Variants in BPTF observed in about 807,000 individuals in gnomAD.
BPTF encodes bromodomain PHD finger transcription factor.
A neutral mutation model predicts 292.5 loss-of-function variants in BPTF; 18 were observed. That is an observed-to-expected ratio of 0.06 (90% CI 0.04 to 0.09). The LOEUF (loss-of-function observed/expected upper bound fraction) is 0.09. Ranked by LOEUF, BPTF falls within the 10% of genes least tolerant of loss-of-function variation. The pLI is 1.00. For missense variants in BPTF, 2,726 were observed against 3,498.7 expected, an observed-to-expected ratio of 0.78 and a Z score of 5.57; for synonymous variants, 1,225 against 1,251.9, an observed-to-expected ratio of 0.98 and a Z score of 0.45.
At chr17:67,860,460 G>A (rs751327336) in intron 2 of BPTF, among the ~76,000 whole-genome samples, 1 of 152,104 alleles carries the variant, frequency 6.6e-6, no homozygotes, top group South Asian at 2.1e-4. Context: ...TATGTTATTT[G>A]TATAGATTAG....
chr17:67,843,825 G>T (rs1272352106), intron 1 of BPTF, among the ~76,000 whole-genome samples: 1 of 141,592 alleles, frequency 7.1e-6, no homozygotes, highest in Admixed American at 7.2e-5. Flanking sequence ...GAATGCAATG[G>T]CGCAATCGTG....
chr17:67,929,191 T>C, intron 16 of BPTF, 145 bp from the exon 17 acceptor site: 1 of 1,416,564 alleles, frequency 7.1e-7, no homozygotes, highest in Non-Finnish European at 9.3e-7. Flanking sequence ...CATCTCCTTT[T>C]CACTGATTTC....
intron 19 of BPTF, among the ~76,000 whole-genome samples, chr17:67,943,397 A>G (rs782044920): frequency 1.3e-5 from 2 of 152,234 alleles, no homozygotes; most frequent in Non-Finnish European, 2.9e-5. Context: ...CCAGTTCTCC[A>G]GCATGTTCCT....
intron 4 of BPTF, among the ~76,000 whole-genome samples, chr17:67,883,992 C>T (rs929473569): frequency 3.9e-5 from 6 of 152,150 alleles, no homozygotes; most frequent in Non-Finnish European, 8.8e-5. Context: ...AAGTATTGTT[C>T]TACACCTTGC....
chr17:67,931,792 C>T, intron 17 of BPTF, 119 bp from the exon 18 acceptor site: 1 of 647,256 alleles, frequency 1.5e-6, no homozygotes, highest in Non-Finnish European at 2.5e-6. Context: ...TCAAGAGCCC[C>T]TGTCATTCCT....
chr17:67,844,190 G>A (rs530064914), intron 1 of BPTF, among the ~76,000 whole-genome samples: 13 of 147,060 alleles, frequency 8.8e-5, no homozygotes, highest in African/African-American at 2.8e-4. Context: ...AGTGAGTCTC[G>A]TGCCACAGCC....
intron 7 of BPTF, among the ~76,000 whole-genome samples, chr17:67,894,613 C>T (rs968942808): frequency 1.3e-5 from 2 of 152,168 alleles, no homozygotes; most frequent in Non-Finnish European, 2.9e-5. Flanking sequence ...CAGGTGTGAG[C>T]CACCGCACCC....
intron 16 of BPTF, 138 bp downstream of exon 16, chr17:67,928,739 T>G: frequency 6.0e-5 from 70 of 1,173,524 alleles, no homozygotes; most frequent in East Asian, 2.6e-4. Flanking sequence ...CTGTAACGGT[T>G]GGTTTGTTAC....
At position 67,928,210 on chromosome 17, in the gene BPTF, A is replaced by T. The variant is rs1050790894; in HGVS notation, c.5752-145A>T. The T allele has an allele frequency of 7.8e-6, 7 of 900,902 alleles. No individual in the cohort carries two copies. In the African/African-American group the frequency reaches 1.2e-4, roughly 15 times the overall value. The allele number at this position is 900,902 out of a possible 1,614,324, so 55.8% of individuals were successfully genotyped here. On this transcript the variant is annotated intron_variant, in intron 15 of 27. Transcript: ENST00000306378. ...TAAATACGGGTAAATTTATATGGAC[A>T]TATATTCTTTTTGGAAGTAAAATAC...
chr17:67,891,930 A>G lies in BPTF; in HGVS notation c.1951A>G (p.Ile651Val). Residue 651 changes from isoleucine (I) to valine (V), a missense_variant, in exon 5 of 28, where the codon ATC (isoleucine) becomes GTC (valine). By Grantham distance (29) the Ile-to-Val change is conservative (BLOSUM62 3). This residue lies in a region of BPTF where 5 missense variants were observed against 22.0 expected (regional missense o/e 0.23). Transcript: ENST00000306378. ...AGGAGCATCTGGCTCAACTCGAATC[A>G]TCACCAGATTGCGGAATCCAGATAG... ...GKGASGSTRIITRLRNPDSKL... is the reference protein window; with the variant it reads ...GKGASGSTRIVTRLRNPDSKL... The G allele has an allele frequency of 6.2e-7, 1 of 1,613,214 alleles. No individual in the cohort carries two copies. Among genetic ancestry groups the G allele is most frequent in the Non-Finnish European group, 8.5e-7 (1 of 1,179,698 alleles).
chr17:67,967,516 G>A (rs2068254446), intron 26 of BPTF, among the ~76,000 whole-genome samples: 1 of 151,640 alleles, frequency 6.6e-6, no homozygotes, highest in African/African-American at 2.4e-5. Flanking sequence ...CATTGTGGCA[G>A]TGTTTATAAT....
intron 4 of BPTF, 163 bp from the exon 5 acceptor site, chr17:67,891,681 A>T (rs2061122645): frequency 2.3e-6 from 1 of 434,174 alleles, no homozygotes; most frequent in Non-Finnish European, 4.0e-6. Flanking sequence ...TTAAGTAAAA[A>T]ACTTAAGGAA....
chr17:67,880,751 C>T (rs2060344556), intron 4 of BPTF, among the ~76,000 whole-genome samples: 1 of 151,980 alleles, frequency 6.6e-6, no homozygotes, highest in Non-Finnish European at 1.5e-5. Context: ...ATTATCCCAC[C>T]TCAGCTTCCT....
intron 2 of BPTF, among the ~76,000 whole-genome samples, chr17:67,861,372 T>G (rs1465771415): frequency 3.5e-5 from 5 of 144,148 alleles, no homozygotes; most frequent in Non-Finnish European, 7.5e-5. Context: ...GGAGTCTCAC[T>G]CAGGCTGGAC....
intron 24 of BPTF, among the ~76,000 whole-genome samples, chr17:67,961,660 A>G (rs2067501957): frequency 6.6e-6 from 1 of 152,066 alleles, no homozygotes; most frequent in African/African-American, 2.4e-5. Context: ...CAGTCTGGGC[A>G]ACATAGAGAG....
intron 1 of BPTF, among the ~76,000 whole-genome samples, chr17:67,839,267 GTGGGTT>G (rs1194344376): frequency 6.6e-6 from 1 of 152,018 alleles, no homozygotes; most frequent in East Asian, 1.9e-4. Context: ...ATGGTTAACT[GTGGGTT>G]TGAGACCTTC....
chr17:67,893,155 G>A (rs192840548), intron 5 of BPTF: 7,404 of 558,298 alleles, frequency 0.013, 83 homozygotes, highest in South Asian at 0.028. Context: ...TACTTAATAT[G>A]TGTTAGTTTT....
At chr17:67,968,499 T>A (rs1174668599) in intron 26 of BPTF, among the ~76,000 whole-genome samples, 5 of 151,316 alleles carry the variant, frequency 3.3e-5, no homozygotes, top group African/African-American at 1.2e-4. Flanking sequence ...TAAAATAAGG[T>A]CAGGTGCGGT....
rs2061140869 is a variant in BPTF at position 67,891,895 on chromosome 17, G to A, written c.1916G>A (p.Gly639Glu). 1 of 1,611,570 alleles carries A rather than the reference G, an allele frequency of 6.2e-7. No homozygotes were observed. The highest frequency in any genetic ancestry group is 1.1e-5 in the South Asian group (1 of 90,546). The change falls in exon 5 of 28, where the codon GGA (glycine) becomes GAA (glutamate). Residue 639 changes from glycine to glutamate, a missense_variant. By Grantham distance (98) the Gly-to-Glu change is moderately conservative. This residue lies in a region of BPTF where 187 missense variants were observed against 201.5 expected (regional missense o/e 0.93). Coordinates refer to ENST00000306378, the MANE Select transcript of BPTF (RefSeq NM_182641.4). ...AACGGGGAGCTAAGTGAATCTCCTG[G>A]AGCTGGAAAAGGAGCATCTGGCTCA... is the stretch of plus-strand genomic sequence containing the variant. ...KSNGELSESP[G>E]AGKGASGSTR...
Sources: gnomAD v4.1 joint callset for allele counts (sites outside exome capture counted in the v4.1 genomes callset) on GRCh38, gnomAD v4.1.1 for gene constraint, gnomAD v4.1.1 regional missense constraint, MANE v1.5 for transcripts, NCBI Gene and HGNC (gene_info 2026-07-23, HGNC 2026-07-21) for gene names.